Variants in STK32B observed in about 807,000 individuals in gnomAD.
The protein encoded by STK32B is serine/threonine-protein kinase 32B.
In STK32B, 43 loss-of-function variants were observed where a neutral mutation model predicts 52.6. The ratio of observed to expected loss-of-function variants is 0.82; its 90% confidence interval spans 0.64 to 1.05. STK32B has a LOEUF of 1.05. Ranked by LOEUF, STK32B falls within the 50% of genes least tolerant of loss-of-function variation. The pLI is 0.00. For synonymous variants in STK32B, 238 were observed against 204.3 expected (o/e 1.17, Z -1.41); for missense variants, 621 against 534.6 (o/e 1.16, Z -1.59).
chr4:5,485,515 C>T (rs886867509), intron 11 of STK32B, among the ~76,000 whole-genome samples: 1 of 152,094 alleles, frequency 6.6e-6, no homozygotes, highest in African/African-American at 2.4e-5. Context: ...TTTTTAACTT[C>T]TTTGCCATGG....
chr4:5,076,548 A>T (rs1712084935), intron 1 of STK32B, among the ~76,000 whole-genome samples: 1 of 152,136 alleles, frequency 6.6e-6, no homozygotes, highest in African/African-American at 2.4e-5. Flanking sequence ...GTTGCCCTTT[A>T]TTGCTGATAA....
chr4:5,030,145 T>C, the STK32B span, among the ~76,000 whole-genome samples: 1 of 152,218 alleles, frequency 6.6e-6, no homozygotes, highest in Non-Finnish European at 1.5e-5. Context: ...GAGCAGTTCT[T>C]TATAGCAGTG....
At chr4:5,201,179 A>G (rs1722106547) in intron 3 of STK32B, among the ~76,000 whole-genome samples, 1 of 152,170 alleles carries the variant, frequency 6.6e-6, no homozygotes, top group Non-Finnish European at 1.5e-5. Flanking sequence ...GAGAGAGATC[A>G]ATTATGTTCT....
chr4:5,422,843 C>T (rs2109079808), intron 6 of STK32B, among the ~76,000 whole-genome samples: 1 of 152,260 alleles, frequency 6.6e-6, no homozygotes, highest in Non-Finnish European at 1.5e-5. Context: ...AGTTTTAAGA[C>T]AGTTTCCTGG....
At chr4:5,134,136 T>C (rs570141751) in intron 1 of STK32B, among the ~76,000 whole-genome samples, 16 of 152,296 alleles carry the variant, frequency 1.1e-4, no homozygotes, top group Non-Finnish European at 1.9e-4. Flanking sequence ...GGTGTGACAG[T>C]GGTGAATCAG....
At chr4:5,180,925 T>A (rs1353976062) in intron 3 of STK32B, among the ~76,000 whole-genome samples, 2 of 152,154 alleles carry the variant, frequency 1.3e-5, no homozygotes, top group African/African-American at 4.8e-5. Context: ...ATTGCAAAGC[T>A]GTTTTACTCT....
At chr4:5,365,785 G>A (rs1364300477) in intron 4 of STK32B, among the ~76,000 whole-genome samples, 3 of 152,194 alleles carry the variant, frequency 2.0e-5, no homozygotes, top group Non-Finnish European at 4.4e-5. Flanking sequence ...AAAAGGGACT[G>A]ATGAGTGAGT....
chr4:5,306,786 G>A (rs142139069), intron 3 of STK32B, among the ~76,000 whole-genome samples: 1 of 152,158 alleles, frequency 6.6e-6, no homozygotes, highest in African/African-American at 2.4e-5. Flanking sequence ...TTGAGGATTT[G>A]TTTCAAGATT....
intron 3 of STK32B, 72 bp from the exon 4 acceptor site, chr4:5,331,148 A>G: frequency 7.0e-7 from 1 of 1,428,504 alleles, no homozygotes. Flanking sequence ...CTTCTGTAAA[A>G]TGGAGGCATT....
intron 2 of STK32B, among the ~76,000 whole-genome samples, chr4:5,143,137 G>GTCTA (rs1716632319): frequency 6.6e-6 from 1 of 150,822 alleles, no homozygotes; most frequent in Non-Finnish European, 1.5e-5. Context: ...CTGTCTATCT[G>GTCTA]TCTGTCTATC....
At chr4:5,156,835 C>G (rs958753517) in intron 2 of STK32B, among the ~76,000 whole-genome samples, 1 of 152,068 alleles carries the variant, frequency 6.6e-6, no homozygotes, top group Non-Finnish European at 1.5e-5. Context: ...TAAACTTGAG[C>G]AAGAGTTGTA....
chr4:5,026,921 C>T, the STK32B span, among the ~76,000 whole-genome samples: 3 of 152,198 alleles, frequency 2.0e-5, no homozygotes, highest in Non-Finnish European at 4.4e-5. Context: ...CTAGACCACA[C>T]GAAGAGTCTG....
intron 6 of STK32B, among the ~76,000 whole-genome samples, chr4:5,439,562 A>G (rs1017252236): frequency 2.6e-5 from 4 of 150,980 alleles, no homozygotes; most frequent in African/African-American, 7.4e-5. Flanking sequence ...TTGCCTGTTC[A>G]CTCTGATGGT....
In STK32B at chr4:5,316,967, T is replaced by C. The variant is rs1376808319; in HGVS notation, c.261-14253T>C. Reference sequence around the variant, plus strand: ...TATAATATGTATGATATAATATATATAATATATATAATATATAATATATAT... The same window carrying C: ...TATAATATGTATGATATAATATATACAATATATATAATATATAATATATAT... On this transcript the variant is annotated intron_variant, in intron 3 of 11. Coordinates refer to ENST00000282908, the MANE Select transcript of STK32B (RefSeq NM_018401.3). Among the ~76,000 whole-genome samples the C allele has an allele frequency of 6.7e-5, 2 of 29,994 alleles. 1 individual carries two copies. The highest frequency in any genetic ancestry group is 5.7e-4 in the African/African-American group (2 of 3,496). The allele number at this position is 29,994 out of a possible 152,430, so 19.7% of individuals were successfully genotyped here.
chr4:5,403,039 G>T (rs1737417777), intron 5 of STK32B, among the ~76,000 whole-genome samples: 2 of 152,152 alleles, frequency 1.3e-5, no homozygotes, highest in Non-Finnish European at 2.9e-5. Context: ...GAGTGGATTT[G>T]TTTTCTTTAT....
chr4:5,295,288 A>G (rs751009564), intron 3 of STK32B, among the ~76,000 whole-genome samples: 31 of 151,978 alleles, frequency 2.0e-4, no homozygotes, highest in African/African-American at 5.3e-4. Context: ...GATGCCTCAT[A>G]AAACGAGTTA....
chr4:5,112,776 A>G lies in STK32B; in HGVS notation c.53-27129A>G, dbSNP rs114979049. Among the ~76,000 whole-genome samples the G allele has an allele frequency of 5.3e-3, 801 of 152,300 alleles. 6 individuals carry two copies. The highest frequency in any genetic ancestry group is 0.018 in the African/African-American group (751 of 41,526). ...TAAGCTGAGATTGGAAAAATGAACC[A>G]CAGTGGTTTCACAAAGAGCTGGTGA... On this transcript the variant is annotated intron_variant, in intron 1 of 11. Coordinates refer to ENST00000282908, the MANE Select transcript of STK32B (RefSeq NM_018401.3).
chr4:5,028,539 C>T, the STK32B span, among the ~76,000 whole-genome samples: 1 of 152,192 alleles, frequency 6.6e-6, no homozygotes, highest in Non-Finnish European at 1.5e-5. Flanking sequence ...TTTCTACATG[C>T]TCTATGATGC....
intron 5 of STK32B, among the ~76,000 whole-genome samples, chr4:5,412,271 T>C (rs1711758633): frequency 6.6e-6 from 1 of 152,232 alleles, no homozygotes; most frequent in South Asian, 2.1e-4. Flanking sequence ...TATTTTCACA[T>C]TCTATAGTAA....
Sources: gnomAD v4.1 joint callset for allele counts (sites outside exome capture counted in the v4.1 genomes callset) on GRCh38, gnomAD v4.1.1 for gene constraint, MANE v1.5 for transcripts, NCBI Gene and HGNC (gene_info 2026-07-23, HGNC 2026-07-21) for gene names.